Variants in CTNNA3 observed in about 807,000 individuals in gnomAD.
The protein encoded by CTNNA3 is catenin alpha-3.
In CTNNA3, 76 loss-of-function variants were observed where a neutral mutation model predicts 95.7. The observed-to-expected ratio is 0.79, with a 90% CI of 0.66 to 0.96. The LOEUF (loss-of-function observed/expected upper bound fraction) is 0.96, where lower values mean the gene tolerates loss of function less well. Among genes scored for constraint, CTNNA3 ranks in the 40% least tolerant of loss-of-function variants. The pLI is 0.00. For synonymous variants in CTNNA3, 431 were observed against 374.4 expected, an observed-to-expected ratio of 1.15 and a Z score of -1.74; for missense variants, 1,191 against 1,089.8, an observed-to-expected ratio of 1.09 and a Z score of -1.31.
intron 5 of CTNNA3, among the ~76,000 whole-genome samples, chr10:67,244,329 C>T (rs544553860): frequency 6.6e-6 from 1 of 152,212 alleles, no homozygotes. Flanking sequence ...CTAACACATT[C>T]CCCAACAGAA....
chr10:67,564,386 C>A (rs141646892), intron 3 of CTNNA3, among the ~76,000 whole-genome samples: 1 of 146,978 alleles, frequency 6.8e-6, no homozygotes, highest in Non-Finnish European at 1.5e-5. Flanking sequence ...AGCAAACTAT[C>A]GCAAGGACAG....
chr10:66,571,285 G>A (rs1391682730), intron 10 of CTNNA3, among the ~76,000 whole-genome samples: 1 of 152,184 alleles, frequency 6.6e-6, no homozygotes, highest in Non-Finnish European at 1.5e-5. Flanking sequence ...TAGACCAGAA[G>A]AAGTGAAAGC....
intron 13 of CTNNA3, among the ~76,000 whole-genome samples, chr10:66,268,184 A>G (rs1163014297): frequency 1.3e-5 from 2 of 152,030 alleles, no homozygotes. Context: ...TGGATACAAT[A>G]TTATTCCTCA....
At chr10:66,154,810 G>A (rs1007246080) in intron 13 of CTNNA3, among the ~76,000 whole-genome samples, 6 of 143,762 alleles carry the variant, frequency 4.2e-5, no homozygotes, top group Non-Finnish European at 9.0e-5. Context: ...ACACTCACTA[G>A]AAAGCAATAT....
At chr10:66,030,783 A>C (rs1312929009) in intron 15 of CTNNA3, among the ~76,000 whole-genome samples, 1 of 152,146 alleles carries the variant, frequency 6.6e-6, no homozygotes, top group Non-Finnish European at 1.5e-5. Flanking sequence ...GGAGTAAAAT[A>C]TTCAAAAATT....
chr10:65,935,840 G>A (rs1227449251), intron 17 of CTNNA3, among the ~76,000 whole-genome samples: 1 of 152,040 alleles, frequency 6.6e-6, no homozygotes, highest in Non-Finnish European at 1.5e-5. Flanking sequence ...AAGGCTAGGG[G>A]TATTTTCAGT....
At chr10:65,980,346 A>C (rs1589211333) in intron 16 of CTNNA3, among the ~76,000 whole-genome samples, 2 of 151,870 alleles carry the variant, frequency 1.3e-5, no homozygotes, top group South Asian at 4.1e-4. Context: ...AATTGCCAAC[A>C]ACAACAACAA....
At chr10:67,024,407 C>T (rs965621239) in intron 7 of CTNNA3, among the ~76,000 whole-genome samples, 3 of 152,184 alleles carry the variant, frequency 2.0e-5, no homozygotes, top group Non-Finnish European at 4.4e-5. Context: ...GTATCATTTC[C>T]CTATCTCAAA....
intron 12 of CTNNA3, among the ~76,000 whole-genome samples, chr10:66,306,432 T>C (rs1220207544): frequency 7.1e-6 from 1 of 140,642 alleles, no homozygotes; most frequent in Non-Finnish European, 1.5e-5. Flanking sequence ...GCTTCAACGC[T>C]GGTGTTTCTC....
chr10:66,482,465 C>G (rs968728376), intron 11 of CTNNA3, among the ~76,000 whole-genome samples: 2 of 151,946 alleles, frequency 1.3e-5, no homozygotes, highest in Non-Finnish European at 2.9e-5. Flanking sequence ...ATGAAGAAAC[C>G]AAAGCTTAGG....
At chr10:65,990,823 A>G (rs1752753601) in intron 15 of CTNNA3, among the ~76,000 whole-genome samples, 1 of 152,066 alleles carries the variant, frequency 6.6e-6, no homozygotes, top group Non-Finnish European at 1.5e-5. Flanking sequence ...AGTCTTAGCC[A>G]TAAAATCTTC....
chr10:66,859,642 G>T (rs10997423), intron 7 of CTNNA3, among the ~76,000 whole-genome samples: 73,471 of 132,904 alleles, frequency 0.55, 21,632 homozygotes, highest in Non-Finnish European at 0.61. Flanking sequence ...GAAATACCAT[G>T]TGACCCAGCC....
At chr10:66,790,448 C>T (rs2132876657) in intron 7 of CTNNA3, among the ~76,000 whole-genome samples, 1 of 152,170 alleles carries the variant, frequency 6.6e-6, no homozygotes, top group African/African-American at 2.4e-5. Flanking sequence ...CAGAACAAGA[C>T]TCTGTCTCAA....
intron 7 of CTNNA3, among the ~76,000 whole-genome samples, chr10:66,819,092 T>TAAA (rs35494489): frequency 2.7e-5 from 3 of 110,692 alleles, no homozygotes; most frequent in South Asian, 3.1e-4. Flanking sequence ...ACTCTTGTCT[T>TAAA]AAAAAAAAAA....
chr10:66,347,554 C>T (rs1205696068), intron 12 of CTNNA3, among the ~76,000 whole-genome samples: 2 of 151,660 alleles, frequency 1.3e-5, no homozygotes, highest in Non-Finnish European at 2.9e-5. Flanking sequence ...GTAGAGGCCA[C>T]AGTAAGCTGT....
chr10:65,980,379 T>G (rs1016415417), intron 16 of CTNNA3, among the ~76,000 whole-genome samples: 3 of 151,816 alleles, frequency 2.0e-5, no homozygotes, highest in African/African-American at 7.3e-5. Context: ...CCAGACAAAT[T>G]CACAGCTGAA....
At position 65,912,880 on chromosome 10, in the gene CTNNA3, T is replaced by C. The variant is rs1369868099; in HGVS notation, c.*7450A>G. On this transcript the variant is annotated 3_prime_UTR_variant, in exon 18 of 18. Transcript: ENST00000433211. ...ATATGGACCAGAAAGGCCTACAGTATTTTTGCCAAATTTTATCTATAGCCA... is the reference window on the plus strand; with the variant it reads ...ATATGGACCAGAAAGGCCTACAGTACTTTTGCCAAATTTTATCTATAGCCA... 6.6e-6 allele frequency: 1 copy of C among 152,138 alleles called. No homozygotes were observed. Among genetic ancestry groups the C allele is most frequent in the Non-Finnish European group, 1.5e-5 (1 of 68,020 alleles). The allele number at this position is 152,138 out of a possible 1,614,324, so 9.4% of individuals were successfully genotyped here. A position where few individuals can be genotyped will look rare whatever the true frequency, so the allele number is the denominator to read the frequency against.
chr10:66,391,056 T>C (rs977964657), intron 11 of CTNNA3, among the ~76,000 whole-genome samples: 1 of 146,988 alleles, frequency 6.8e-6, no homozygotes, highest in Non-Finnish European at 1.5e-5. Flanking sequence ...TTCCGCCCAA[T>C]ACAATAGTCA....
intron 15 of CTNNA3, among the ~76,000 whole-genome samples, chr10:66,037,753 G>A (rs550267226): frequency 2.6e-5 from 4 of 152,070 alleles, no homozygotes; most frequent in Non-Finnish European, 4.4e-5. Context: ...AATAAATGCC[G>A]TTCAGGAAAG....
Sources: gnomAD v4.1 joint callset for allele counts (sites outside exome capture counted in the v4.1 genomes callset) on GRCh38, gnomAD v4.1.1 for gene constraint, MANE v1.5 for transcripts, NCBI Gene and HGNC (gene_info 2026-07-23, HGNC 2026-07-21) for gene names.